Variants in CCDC197 observed in about 807,000 individuals in gnomAD.
CCDC197 encodes the protein uncharacterized protein CCDC197.
Under a neutral mutation model 13.4 loss-of-function variants are expected in CCDC197, and 24 were observed. The ratio of observed to expected loss-of-function variants is 1.80; its 90% confidence interval spans 1.30 to 2.53. CCDC197 has a LOEUF of 2.53. Ranked by LOEUF, CCDC197 falls within the 30% of genes most tolerant of loss-of-function variation. The pLI, the probability that CCDC197 is intolerant of heterozygous loss-of-function variation, is 0.00. For synonymous variants in CCDC197, 99 were observed against 55.5 expected, an observed-to-expected ratio of 1.78 and a Z score of -3.48; for missense variants, 255 against 148.8, an observed-to-expected ratio of 1.71 and a Z score of -3.71.
At chr14:94,002,849 C>T (rs1890563707) in intron 4 of CCDC197, among the ~76,000 whole-genome samples, 1 of 88,578 alleles carries the variant, frequency 1.1e-5, no homozygotes, top group Non-Finnish European at 2.1e-5. Context: ...GTGAGACTGT[C>T]TCAAAAAAAA....
downstream of CCDC197, among the ~76,000 whole-genome samples, chr14:94,009,116 C>T (rs1294600425): frequency 6.6e-6 from 1 of 152,220 alleles, no homozygotes; most frequent in Non-Finnish European, 1.5e-5. Flanking sequence ...ACATCTCTCA[C>T]TTTCATGGTG....
At position 94,003,620 on chromosome 14, in the gene CCDC197, GACAC is replaced by G. The variant is rs1005575396; in HGVS notation, c.498+274_498+277del. Among the ~76,000 whole-genome samples, 1 of 133,724 alleles carries G rather than the reference GACAC, an allele frequency of 7.5e-6. No homozygotes were observed. The highest frequency in any genetic ancestry group is 2.6e-5 in the African/African-American group (1 of 38,756). The allele number at this position is 133,724 out of a possible 152,430, so 87.7% of individuals were successfully genotyped here. A position where few individuals can be genotyped will look rare whatever the true frequency, so the allele number is the denominator to read the frequency against. Reference sequence around the variant, plus strand: ...ACACACAAATGCACAGACACACACAGACACACACACAGACATGCAAACACACGCA... The same window carrying G: ...ACACACAAATGCACAGACACACACAGACACACAGACATGCAAACACACGCA... On this transcript the variant is annotated intron_variant, in intron 5 of 6. Coordinates refer to ENST00000636493, the MANE Select transcript of CCDC197 (RefSeq NM_001351596.2). This position sits in a 1 kb window ranked among gnomAD's most constrained non-coding sequence, Gnocchi z 5.0.
At chr14:93,995,529 C>A (rs1890267113), upstream of CCDC197, among the ~76,000 whole-genome samples, 1 of 152,154 alleles carries the variant, frequency 6.6e-6, no homozygotes, top group East Asian at 1.9e-4. Context: ...TGTCCCGATT[C>A]CTTGGGAACA....
At chr14:94,009,867 T>C (rs1890779558), downstream of CCDC197, among the ~76,000 whole-genome samples, 1 of 152,224 alleles carries the variant, frequency 6.6e-6, no homozygotes, top group South Asian at 2.1e-4. Context: ...AAAATCATTC[T>C]AGCAACCACC....
intron 1 of CCDC197, among the ~76,000 whole-genome samples, chr14:93,990,367 C>A (rs1419283071): frequency 6.6e-6 from 1 of 152,176 alleles, no homozygotes; most frequent in Non-Finnish European, 1.5e-5. Context: ...CACTTCACCT[C>A]CTACTTGACC....
rs993702583 is a variant in CCDC197 at position 94,003,544 on chromosome 14, CAT to C, written c.498+192_498+193del. ...CCACAGACATAGTCACAGCCAGACA[CAT>C]AGACACACAGACACAACCAGACATA... On this transcript the variant is annotated intron_variant, in intron 5 of 6. Transcript: ENST00000636493. The surrounding 1 kb of genome is among the most constrained non-coding windows in gnomAD (Gnocchi z 5.0). Among the ~76,000 whole-genome samples, 6 of 141,358 alleles carry C rather than the reference CAT, an allele frequency of 4.2e-5. No individual in the cohort carries two copies. The highest frequency in any genetic ancestry group is 2.3e-4 in the Admixed American group (3 of 13,102). The allele number at this position is 141,358 out of a possible 152,430, so 92.7% of individuals were successfully genotyped here.
Position 94,003,210 on chromosome 14 carries a change from C to A in CCDC197, c.367-13C>A, listed in dbSNP as rs935629150. On this transcript the variant is annotated splice_polypyrimidine_tract_variant and intron_variant, in intron 4 of 6. Coordinates refer to ENST00000636493, the MANE Select transcript of CCDC197 (RefSeq NM_001351596.2). The surrounding 1 kb of genome is among the most constrained non-coding windows in gnomAD (Gnocchi z 5.0). Reference sequence around the variant, plus strand: ...GTTTGTTGTACCAAGATGGCCCATTCCCTCTGCCCCAGAGCCTCAAGATCC... The same window carrying A: ...GTTTGTTGTACCAAGATGGCCCATTACCTCTGCCCCAGAGCCTCAAGATCC... 1 of 778,962 alleles carries A rather than the reference C, an allele frequency of 1.3e-6. No homozygotes were observed. 48.3% of individuals were successfully genotyped at this position (778,962 alleles called of 1,614,324 possible).
upstream of CCDC197, among the ~76,000 whole-genome samples, chr14:93,993,947 TTTC>T (rs1348283958): frequency 6.6e-6 from 1 of 152,204 alleles, no homozygotes; most frequent in African/African-American, 2.4e-5. Context: ...GATCATTTCT[TTTC>T]TTCTTAAGTT....
chr14:93,991,471 G>A (rs181189774), intron 1 of CCDC197, among the ~76,000 whole-genome samples: 46 of 152,326 alleles, frequency 3.0e-4, no homozygotes, highest in African/African-American at 1.0e-3. Context: ...TGGTTGGTGC[G>A]AGAATCGTGA....
chr14:94,004,451 A>AGGGAGCT (rs1890623813), intron 5 of CCDC197, among the ~76,000 whole-genome samples: 1 of 151,994 alleles, frequency 6.6e-6, no homozygotes, highest in Non-Finnish European at 1.5e-5. Context: ...GGGCTTAGGG[A>AGGGAGCT]GGGAGCTGGG....
chr14:93,999,712 T>G (rs1457444701), intron 3 of CCDC197, 47 bp downstream of exon 3: 1 of 779,034 alleles, frequency 1.3e-6, no homozygotes. Context: ...CACAGCCACC[T>G]ACTGGCTGCA....
At chr14:94,011,439 G>T (rs1458983830), downstream of CCDC197, among the ~76,000 whole-genome samples, 1 of 152,216 alleles carries the variant, frequency 6.6e-6, no homozygotes, top group African/African-American at 2.4e-5. Context: ...GGGTACCTTG[G>T]GAGCTCCCAG....
At chr14:94,006,503 T>C (rs116051201) in intron 6 of CCDC197, among the ~76,000 whole-genome samples, 30 of 151,948 alleles carry the variant, frequency 2.0e-4, no homozygotes, top group African/African-American at 7.0e-4. Context: ...CTACAAGGCA[T>C]GCACCACCAT....
intron 3 of CCDC197, among the ~76,000 whole-genome samples, chr14:94,000,547 G>A (rs1890463016): frequency 6.6e-6 from 1 of 152,136 alleles, no homozygotes; most frequent in African/African-American, 2.4e-5. Flanking sequence ...ACAAATGTAG[G>A]CAGGAGCCAT....
At chr14:94,000,011 G>A (rs4905138) in intron 3 of CCDC197, among the ~76,000 whole-genome samples, 70,089 of 151,972 alleles carry the variant, frequency 0.46, 17,584 homozygotes, top group East Asian at 0.96. Context: ...CCTGGTAAAC[G>A]TTGGCCATTA....
chr14:94,008,890 T>G (rs1302091469), downstream of CCDC197: 1 of 644,110 alleles, frequency 1.6e-6, no homozygotes, highest in African/African-American at 1.8e-5. Flanking sequence ...CACCAACATC[T>G]CTAAGCCAGT....
chr14:93,999,508 G>A lies in CCDC197; in HGVS notation c.105-75G>A, dbSNP rs1890424301. ...GTCCAAGCAGGAGATCACAGAGGGT[G>A]GTCCAGGTTCATTCACAGGGGGTCC... On this transcript the variant is annotated intron_variant, in intron 2 of 6. Coordinates refer to ENST00000636493, the MANE Select transcript of CCDC197 (RefSeq NM_001351596.2). The A allele has an allele frequency of 3.9e-6, 3 of 767,394 alleles. No homozygotes were observed. In the Admixed American group the frequency reaches 5.2e-5, roughly 13 times the overall value. The allele number at this position is 767,394 out of a possible 1,614,324, so 47.5% of individuals were successfully genotyped here. A position where few individuals can be genotyped will look rare whatever the true frequency, so the allele number is the denominator to read the frequency against.
At chr14:94,009,965 G>A (rs1419869808), downstream of CCDC197, among the ~76,000 whole-genome samples, 2 of 152,228 alleles carry the variant, frequency 1.3e-5, no homozygotes, top group Non-Finnish European at 2.9e-5. Flanking sequence ...CTGCTGAGCT[G>A]TGAACAGTGG....
chr14:94,001,099 C>A (rs529618307), intron 3 of CCDC197, 46 bp from the exon 4 acceptor site: 2 of 708,190 alleles, frequency 2.8e-6, no homozygotes, highest in South Asian at 1.5e-5. Flanking sequence ...TGGCATGGCC[C>A]ACTGCAGGGG....
Sources: allele counts gnomAD v4.1 joint callset (sites outside exome capture counted in the v4.1 genomes callset), GRCh38; gene constraint gnomAD v4.1.1; non-coding constraint Gnocchi (gnomAD v3.1); transcripts MANE v1.5; gene names NCBI Gene and HGNC (gene_info 2026-07-23, HGNC 2026-07-21).